Variants in CDH13 observed in about 807,000 individuals in gnomAD.
CDH13 encodes cadherin-13.
CDH13 carries 24 observed loss-of-function variants against 63.8 expected under a neutral mutation model. That is an observed-to-expected ratio of 0.38 (90% CI 0.27 to 0.53). The LOEUF is 0.53. Among genes scored for constraint, CDH13 ranks in the 20% least tolerant of loss-of-function variants. The pLI is 0.85. For synonymous variants in CDH13, 503 were observed against 355.3 expected (o/e 1.42, Z -4.67); for missense variants, 1,049 against 903.1 (o/e 1.16, Z -2.07).
intron 4 of CDH13, among the ~76,000 whole-genome samples, chr16:83,131,486 T>G (rs2036051225): frequency 6.6e-6 from 1 of 152,146 alleles, no homozygotes. Flanking sequence ...CTTCAAAGTA[T>G]GACTATTTCA....
chr16:83,588,231 C>T (rs1906367043), intron 7 of CDH13, among the ~76,000 whole-genome samples: 1 of 152,220 alleles, frequency 6.6e-6, no homozygotes, highest in African/African-American at 2.4e-5. Flanking sequence ...CATCACCCTG[C>T]CACGCCCCGC....
rs187312878 is a variant in CDH13, at chr16:83,425,178, T to G, written c.782-61299T>G. 1.4e-4 allele frequency among the ~76,000 whole-genome samples: 21 copies of G among 152,338 alleles called. No individual in the cohort carries two copies. The East Asian group carries it at 4.1e-3, about 29-fold the overall frequency. On this transcript the variant is annotated intron_variant, in intron 6 of 13. Transcript: ENST00000567109. ...TCTGCTCTCCCGACATTAACCTGAA[T>G]GGAACAGCTGGAACGTAAATTGGAA...
At chr16:83,074,445 C>T (rs1315952547) in intron 3 of CDH13, among the ~76,000 whole-genome samples, 1 of 152,114 alleles carries the variant, frequency 6.6e-6, no homozygotes, top group Non-Finnish European at 1.5e-5. Flanking sequence ...GTAGATAGTG[C>T]TACAATAAAC....
At chr16:83,751,864 T>C (rs1913112766) in intron 11 of CDH13, among the ~76,000 whole-genome samples, 1 of 152,210 alleles carries the variant, frequency 6.6e-6, no homozygotes, top group African/African-American at 2.4e-5. Context: ...GACTGGTCCT[T>C]CTTGTTTTCG....
intron 6 of CDH13, among the ~76,000 whole-genome samples, chr16:83,437,255 C>T (rs1445400671): frequency 1.3e-5 from 2 of 152,064 alleles, no homozygotes; most frequent in African/African-American, 4.8e-5. Context: ...CAGTTTCCTT[C>T]TTTGTTAGAT....
At chr16:83,532,882 C>G (rs2075110830) in intron 7 of CDH13, among the ~76,000 whole-genome samples, 1 of 152,182 alleles carries the variant, frequency 6.6e-6, no homozygotes, top group African/African-American at 2.4e-5. Context: ...TCAGCAGTGC[C>G]ACGGGAGAGA....
At chr16:83,200,248 C>T (rs2038987022) in intron 4 of CDH13, among the ~76,000 whole-genome samples, 2 of 152,164 alleles carry the variant, frequency 1.3e-5, no homozygotes, top group African/African-American at 4.8e-5. Flanking sequence ...ATGAGCTTAG[C>T]ACCGTCGGCC....
chr16:83,015,657 A>ATG (rs145413477), intron 2 of CDH13, among the ~76,000 whole-genome samples: 17,201 of 80,836 alleles, frequency 0.21, 2,867 homozygotes, highest in South Asian at 0.34. Context: ...TGCAGCATAT[A>ATG]TGTGTGTGTG....
chr16:83,667,411 C>A (rs1277062973), intron 8 of CDH13, among the ~76,000 whole-genome samples: 1 of 151,908 alleles, frequency 6.6e-6, no homozygotes, highest in East Asian at 1.9e-4. Context: ...CATCCACCCA[C>A]CTACCCATCC....
At chr16:83,133,476 C>G (rs567897510) in intron 4 of CDH13, among the ~76,000 whole-genome samples, 1 of 151,958 alleles carries the variant, frequency 6.6e-6, no homozygotes, top group Non-Finnish European at 1.5e-5. Context: ...TAAATAAGGC[C>G]TATTTTTGAT....
intron 1 of CDH13, among the ~76,000 whole-genome samples, chr16:82,812,307 G>C (rs563094831): frequency 5.9e-5 from 9 of 152,238 alleles, no homozygotes; most frequent in African/African-American, 2.2e-4. Flanking sequence ...AAGTCATTAG[G>C]ATATTTGCAA....
intron 6 of CDH13, among the ~76,000 whole-genome samples, chr16:83,443,951 A>G (rs75929636): frequency 0.053 from 7,842 of 149,268 alleles, 768 homozygotes; most frequent in African/African-American, 0.18. Flanking sequence ...AAAAAAATCA[A>G]TGGTACCTCC....
At chr16:82,960,526 G>A (rs896573059) in intron 2 of CDH13, among the ~76,000 whole-genome samples, 8 of 152,156 alleles carry the variant, frequency 5.3e-5, no homozygotes, top group Admixed American at 1.3e-4. Flanking sequence ...CTATAAATAT[G>A]CCCGATGCAA....
chr16:82,744,701 C>G (rs1366146291), intron 1 of CDH13, among the ~76,000 whole-genome samples: 1 of 152,144 alleles, frequency 6.6e-6, no homozygotes, highest in Non-Finnish European at 1.5e-5. Context: ...TTAGCACATG[C>G]TAGGCACTGC....
intron 3 of CDH13, among the ~76,000 whole-genome samples, chr16:83,059,783 T>C (rs1200444100): frequency 1.6e-5 from 2 of 128,268 alleles, no homozygotes; most frequent in Non-Finnish European, 3.3e-5. Flanking sequence ...CTTTGTTTTT[T>C]TTTTTGTTTG....
At chr16:82,797,067 T>C (rs775220840) in intron 1 of CDH13, among the ~76,000 whole-genome samples, 1 of 152,248 alleles carries the variant, frequency 6.6e-6, no homozygotes, top group Non-Finnish European at 1.5e-5. Context: ...TCATGAGTTA[T>C]TCCTCATCAT....
chr16:83,266,103 A>G (rs1012167241), intron 5 of CDH13, among the ~76,000 whole-genome samples: 2 of 151,894 alleles, frequency 1.3e-5, no homozygotes, highest in African/African-American at 4.8e-5. Context: ...CGTCCGGCTA[A>G]TTTTTGTGTT....
intron 3 of CDH13, among the ~76,000 whole-genome samples, chr16:83,045,100 C>A (rs1000704646): frequency 6.6e-6 from 1 of 152,128 alleles, no homozygotes; most frequent in Non-Finnish European, 1.5e-5. Flanking sequence ...TTGGTCACTG[C>A]CGGCTTTGCG....
chr16:83,018,691 G>A (rs1473239086), intron 2 of CDH13, among the ~76,000 whole-genome samples: 1 of 152,170 alleles, frequency 6.6e-6, no homozygotes, highest in Non-Finnish European at 1.5e-5. Flanking sequence ...ACATCACAGA[G>A]TAGACTTACA....
Sources: allele counts gnomAD v4.1 joint callset (sites outside exome capture counted in the v4.1 genomes callset), GRCh38; gene constraint gnomAD v4.1.1; transcripts MANE v1.5; gene names NCBI Gene and HGNC (gene_info 2026-07-23, HGNC 2026-07-21).